CNTROB: variants seen among roughly 807,000 people sequenced by gnomAD.
CNTROB encodes centrobin.
In CNTROB, 82 loss-of-function variants were observed where a neutral mutation model predicts 115.7. That is an observed-to-expected ratio of 0.71 (90% confidence interval 0.59 to 0.85). The LOEUF is 0.85. Among genes scored for constraint, CNTROB ranks in the 40% least tolerant of loss-of-function variants. The pLI is 0.00. For missense variants in CNTROB, 1,014 were observed against 1,144.4 expected (o/e 0.89, Z 1.64); for synonymous variants, 439 against 456.4 (o/e 0.96, Z 0.49).
intron 13 of CNTROB, 51 bp downstream of exon 13, chr17:7,946,037 TC>T: frequency 6.5e-7 from 1 of 1,546,630 alleles, no homozygotes; most frequent in South Asian, 1.1e-5. Context: ...ATGAATTGGC[TC>T]CCTCTTTCGT....
In CNTROB at chr17:7,932,958, T is replaced by A. The variant is rs1390311226; in HGVS notation, c.-122T>A. Reference sequence around the variant, plus strand: ...CTCGATATCCTTAATTCACCAAGGATCCTTGGCGTGGAGTCTTCCTCCCTT... The same window carrying A: ...CTCGATATCCTTAATTCACCAAGGAACCTTGGCGTGGAGTCTTCCTCCCTT... On this transcript the variant is annotated 5_prime_UTR_variant, in exon 1 of 19. Coordinates refer to ENST00000563694, the MANE Select transcript of CNTROB (RefSeq NM_053051.5). 4 of 1,086,912 alleles carry A rather than the reference T, an allele frequency of 3.7e-6. No individual in the cohort carries two copies. Among genetic ancestry groups the A allele is most frequent in the South Asian group, 3.0e-5 (2 of 65,784 alleles). 67.3% of individuals were successfully genotyped at this position (1,086,912 alleles called of 1,614,324 possible).
At position 7,939,693 on chromosome 17, in the gene CNTROB, A is replaced by G. The variant is rs1973621222; in HGVS notation, c.1108A>G (p.Lys370Glu). ...CTGGGCCCAGCAAGAGCACCAGCTTAAGGAACACTACCAGGCGCTGCAGGA... is the reference window on the plus strand; with the variant it reads ...CTGGGCCCAGCAAGAGCACCAGCTTGAGGAACACTACCAGGCGCTGCAGGA... Reference protein sequence around the residue: ...QTWAQQEHQLKEHYQALQEES... With the variant: ...QTWAQQEHQLEEHYQALQEES... Residue 370 changes from lysine (K) to glutamate (E), a missense_variant, in exon 8 of 19, where the codon AAG becomes GAG. By Grantham distance (56) the Lys-to-Glu change is moderately conservative. Coordinates refer to ENST00000563694, the MANE Select transcript of CNTROB (RefSeq NM_053051.5). The surrounding 1 kb of genome is among the most constrained non-coding windows in gnomAD (Gnocchi z 4.4). 1.2e-6 allele frequency: 2 copies of G among 1,614,152 alleles called. No homozygotes were observed. The highest frequency in any genetic ancestry group is 1.7e-6 in the Non-Finnish European group (2 of 1,180,036).
rs140119271 is a variant in CNTROB at position 7,944,762 on chromosome 17, C to A, written c.1734+124C>A. The A allele has an allele frequency of 2.6e-6, 3 of 1,173,120 alleles. No homozygotes were observed. The East Asian group carries it at 7.6e-5, about 30-fold the overall frequency. 72.7% of individuals were successfully genotyped at this position (1,173,120 alleles called of 1,614,324 possible). A position where few individuals can be genotyped will look rare whatever the true frequency, so the allele number is the denominator to read the frequency against. ...GTGAGATCATAGCTCATTGCAGCCT[C>A]GAACTCCTGGGCTCAAGTGATCCTC... is the stretch of plus-strand genomic sequence containing the variant. On this transcript the variant is annotated intron_variant, in intron 12 of 18. Coordinates refer to ENST00000563694, the MANE Select transcript of CNTROB (RefSeq NM_053051.5). The surrounding 1 kb of genome is among the most constrained non-coding windows in gnomAD (Gnocchi z 4.0).
At chr17:7,940,378 A>G in intron 9 of CNTROB, 136 bp downstream of exon 9, 1 of 766,280 alleles carries the variant, frequency 1.3e-6, no homozygotes, top group South Asian at 2.3e-5. Flanking sequence ...TCTATGTAGT[A>G]TGGGTAGTTT....
intron 7 of CNTROB, 94 bp downstream of exon 7, chr17:7,937,356 G>T: frequency 4.1e-6 from 6 of 1,465,378 alleles, no homozygotes; most frequent in Non-Finnish European, 9.5e-7. Context: ...ATTATAATTT[G>T]AGTTGCACCA....
Position 7,947,554 on chromosome 17 carries a change from C to A in CNTROB, c.1994-17C>A. On this transcript the variant is annotated splice_polypyrimidine_tract_variant and intron_variant, in intron 13 of 18. Transcript: ENST00000563694. ...CTGAACACACTTGCACCCACCCATACCTGTTTCACTTTATAGCTGGGGCCT... is the reference window on the plus strand; with the variant it reads ...CTGAACACACTTGCACCCACCCATAACTGTTTCACTTTATAGCTGGGGCCT... 6.3e-7 allele frequency: 1 copy of A among 1,591,428 alleles called. No homozygotes were observed.
Position 7,945,720 on chromosome 17 carries a change from C to T in CNTROB, c.1735-8C>T. The T allele has an allele frequency of 6.2e-7, 1 of 1,612,778 alleles. No homozygotes were observed. Among genetic ancestry groups the T allele is most frequent in the Non-Finnish European group, 8.5e-7 (1 of 1,179,256 alleles). ...TTTGACCCTTCTTTCTGCCTCTCTC[C>T]TGGTCAGGCTCCTCCTGCTGGACCC... On this transcript the variant is annotated splice_polypyrimidine_tract_variant and splice_region_variant and intron_variant, in intron 12 of 18. Transcript: ENST00000563694.
chr17:7,948,353 A>G lies in CNTROB; in HGVS notation c.2380+26A>G. 1 of 1,612,838 alleles carries G rather than the reference A, an allele frequency of 6.2e-7. No homozygotes were observed. Reference sequence around the variant, plus strand: ...GTGAGCATGTTCTGGTTTATTAGGGAAAAAAGGAGGGACAGTCCTGAGTGT... The same window carrying G: ...GTGAGCATGTTCTGGTTTATTAGGGGAAAAAGGAGGGACAGTCCTGAGTGT... On this transcript the variant is annotated intron_variant, in intron 16 of 18. Coordinates refer to ENST00000563694, the MANE Select transcript of CNTROB (RefSeq NM_053051.5). The surrounding 1 kb of genome is among the most constrained non-coding windows in gnomAD (Gnocchi z 4.4).
At position 7,940,256 on chromosome 17, in the gene CNTROB, G is replaced by A. The variant is rs1973703879; in HGVS notation, c.1311+14G>A. 1.3e-6 allele frequency: 2 copies of A among 1,581,572 alleles called. No individual in the cohort carries two copies. The highest frequency in any genetic ancestry group is 1.4e-5 in the African/African-American group (1 of 73,684). ...AGCTTGGTGCAGGTCAGAAGGCAGA[G>A]GTTTCTTGAGGTTTTGTTCTGACAG... On this transcript the variant is annotated intron_variant, in intron 9 of 18. Transcript: ENST00000563694.
rs753956032 is a variant in CNTROB, at chr17:7,943,532, G to A, written c.1445+8G>A. ...CCTCAGGGAACATCACAGGTACGTG[G>A]GACTCACTGGGTGTCACTTCTCTCA... On this transcript the variant is annotated splice_region_variant and intron_variant, in intron 10 of 18. Coordinates refer to ENST00000563694, the MANE Select transcript of CNTROB (RefSeq NM_053051.5). The surrounding 1 kb of genome is among the most constrained non-coding windows in gnomAD (Gnocchi z 4.7). 1.2e-5 allele frequency: 20 copies of A among 1,607,430 alleles called. No homozygotes were observed. The highest frequency in any genetic ancestry group is 4.0e-5 in the African/African-American group (3 of 74,810).
intron 4 of CNTROB, among the ~76,000 whole-genome samples, 175 bp downstream of exon 4, chr17:7,935,320 G>A (rs888822285): frequency 6.6e-6 from 1 of 152,040 alleles, no homozygotes; most frequent in African/African-American, 2.4e-5. Flanking sequence ...TGGCTAACAC[G>A]GTGAAACCCG....
chr17:7,936,479 C>T lies in CNTROB; in HGVS notation c.708C>T (p.Asp236=). The T allele has an allele frequency of 7.6e-7, 1 of 1,323,086 alleles. No individual in the cohort carries two copies. Among genetic ancestry groups the T allele is most frequent in the Non-Finnish European group, 1.1e-6 (1 of 914,224 alleles). The allele number at this position is 1,323,086 out of a possible 1,614,324, so 82.0% of individuals were successfully genotyped here. A position where few individuals can be genotyped will look rare whatever the true frequency, so the allele number is the denominator to read the frequency against. ...RKKDTMIEQL[D]KTLARVVEGW... The stretch of plus-strand genomic sequence containing the variant: ...AAGATACCATGATTGAACAACTGGA[C>T]AAGGTACCAGGGTAGCAAAATGTGG... The change falls in exon 5 of 19, where the codon GAC becomes GAT. Residue 236 remains aspartate, a synonymous_variant. Transcript: ENST00000563694.
intron 1 of CNTROB, 85 bp from the exon 2 acceptor site, chr17:7,934,053 G>T: frequency 8.9e-7 from 1 of 1,122,804 alleles, no homozygotes. Context: ...GTTTTCCAAA[G>T]TGCTGGAGTG....
chr17:7,939,877 G>C lies in CNTROB; in HGVS notation c.1164+128G>C. 1 of 1,075,538 alleles carries C rather than the reference G, an allele frequency of 9.3e-7. No individual in the cohort carries two copies. The highest frequency in any genetic ancestry group is 1.4e-6 in the Non-Finnish European group (1 of 731,424). The allele number at this position is 1,075,538 out of a possible 1,614,324, so 66.6% of individuals were successfully genotyped here. A position where few individuals can be genotyped will look rare whatever the true frequency, so the allele number is the denominator to read the frequency against. Reference sequence around the variant, plus strand: ...GAATGGAGAGTAGAGAGCCATGTGTGGGAGACAAGGTTGAGAGTATAGGGC... The same window carrying C: ...GAATGGAGAGTAGAGAGCCATGTGTCGGAGACAAGGTTGAGAGTATAGGGC... On this transcript the variant is annotated intron_variant, in intron 8 of 18. Transcript: ENST00000563694. The surrounding 1 kb of genome is among the most constrained non-coding windows in gnomAD (Gnocchi z 4.4).
In CNTROB at chr17:7,943,543, G is replaced by A. The variant is rs765811269; in HGVS notation, c.1445+19G>A. 4.4e-6 allele frequency: 7 copies of A among 1,602,510 alleles called. No individual in the cohort carries two copies. The highest frequency in any genetic ancestry group is 1.7e-5 in the Admixed American group (1 of 59,374). Reference sequence around the variant, plus strand: ...ATCACAGGTACGTGGGACTCACTGGGTGTCACTTCTCTCAGCCACAGCACG... The same window carrying A: ...ATCACAGGTACGTGGGACTCACTGGATGTCACTTCTCTCAGCCACAGCACG... On this transcript the variant is annotated intron_variant, in intron 10 of 18. Coordinates refer to ENST00000563694, the MANE Select transcript of CNTROB (RefSeq NM_053051.5). The surrounding 1 kb of genome is among the most constrained non-coding windows in gnomAD (Gnocchi z 4.7).
chr17:7,948,091 G>C lies in CNTROB; in HGVS notation c.2210-66G>C. The C allele has an allele frequency of 1.2e-6, 2 of 1,602,432 alleles. No individual in the cohort carries two copies. Among genetic ancestry groups the C allele is most frequent in the Non-Finnish European group, 1.7e-6 (2 of 1,169,870 alleles). ...AAAGTAATAAAGCCTTATAAATGCT[G>C]GGTGGTGGGACTTCCTTGGTTCTAT... is the stretch of plus-strand genomic sequence containing the variant. On this transcript the variant is annotated intron_variant, in intron 15 of 18. Transcript: ENST00000563694. This position sits in a 1 kb window ranked among gnomAD's most constrained non-coding sequence, Gnocchi z 4.4.
chr17:7,940,736 T>G (rs1973758766), intron 9 of CNTROB, among the ~76,000 whole-genome samples: 1 of 152,210 alleles, frequency 6.6e-6, no homozygotes. Context: ...AAAAATTGTT[T>G]GTCAGATATA....
In CNTROB at chr17:7,937,831, A is replaced by G. The variant is rs1278666181; in HGVS notation, c.927+569A>G. On this transcript the variant is annotated intron_variant, in intron 7 of 18. Coordinates refer to ENST00000563694, the MANE Select transcript of CNTROB (RefSeq NM_053051.5). ...AAATAAAAATAAAAAATAAAATAAA[A>G]TAAAGATTTCTGGGACTCACCTGCA... Among the ~76,000 whole-genome samples, 4 of 152,004 alleles carry G rather than the reference A, an allele frequency of 2.6e-5. No homozygotes were observed. The East Asian group carries it at 7.7e-4, about 29-fold the overall frequency.
rs544697424 is a variant in CNTROB, at chr17:7,948,235, C to T, written c.2288C>T (p.Pro763Leu). ...IPPPVHKTKVPLAMASSLFRV... is the reference protein window; with the variant it reads ...IPPPVHKTKVLLAMASSLFRV... The stretch of plus-strand genomic sequence containing the variant: ...CCGCCTGTCCACAAAACCAAAGTTC[C>T]CTTAGCCATGGCATCCAGTCTTTTC... Residue 763 changes from proline to leucine, a missense_variant, in exon 16 of 19, where the codon CCC becomes CTC. By Grantham distance (98) the Pro-to-Leu change is moderately conservative (BLOSUM62 -3). Coordinates refer to ENST00000563694, the MANE Select transcript of CNTROB (RefSeq NM_053051.5). The surrounding 1 kb of genome is among the most constrained non-coding windows in gnomAD (Gnocchi z 4.4). 6.2e-7 allele frequency: 1 copy of T among 1,614,158 alleles called. No homozygotes were observed. The highest frequency in any genetic ancestry group is 1.3e-5 in the African/African-American group (1 of 75,038).
Sources: allele counts gnomAD v4.1 joint callset (sites outside exome capture counted in the v4.1 genomes callset), GRCh38; gene constraint gnomAD v4.1.1; non-coding constraint Gnocchi (gnomAD v3.1); transcripts MANE v1.5; gene names NCBI Gene and HGNC (gene_info 2026-07-23, HGNC 2026-07-21).